The following REXO1 variants were observed in gnomAD, a reference collection of about 807,000 sequenced individuals.
The protein encoded by REXO1 is REX1, RNA exonuclease 1 homolog.
In REXO1, 42 loss-of-function variants were observed where a neutral mutation model predicts 102.6. The ratio of observed to expected loss-of-function variants is 0.41; its 90% CI spans 0.32 to 0.53. REXO1 has a LOEUF of 0.53. Among genes scored for constraint, REXO1 ranks in the 20% least tolerant of loss-of-function variants. REXO1 has a pLI of 0.27. For missense variants in REXO1, 1,819 were observed against 1,732.5 expected (o/e 1.05, Z -0.89); for synonymous variants, 908 against 779.1 (o/e 1.17, Z -2.76).
chr19:1,845,783 A>G (rs1483402021), intron 1 of REXO1, among the ~76,000 whole-genome samples: 1 of 152,136 alleles, frequency 6.6e-6, no homozygotes, highest in Non-Finnish European at 1.5e-5. Context: ...CCTGTGACCC[A>G]GGGCCCAGGA....
Position 1,826,926 on chromosome 19 carries a change from G to C in REXO1, c.1863C>G (p.Asn621Lys), listed in dbSNP as rs138736212. Residue 621 changes from asparagine to lysine, a missense_variant, in exon 2 of 16, where the codon AAC becomes AAG. Physicochemically the swap from Asn to Lys is moderately conservative, Grantham distance 94. Coordinates refer to ENST00000170168, the MANE Select transcript of REXO1 (RefSeq NM_020695.4). The surrounding 1 kb of genome is among the most constrained non-coding windows in gnomAD (Gnocchi z 4.3). ...DPMEECLRIF[N>K]ESTSVKTEDR... Reference sequence around the variant, plus strand: ...CCTCCGTCTTGACGCTGGTGGACTCGTTGAAGATCCGCAGGCACTCCTCCA... The same window carrying C: ...CCTCCGTCTTGACGCTGGTGGACTCCTTGAAGATCCGCAGGCACTCCTCCA... 1 of 1,583,690 alleles carries C rather than the reference G, an allele frequency of 6.3e-7. No homozygotes were observed. The highest frequency in any genetic ancestry group is 8.6e-7 in the Non-Finnish European group (1 of 1,165,868).
chr19:1,838,594 G>C (rs1439710562), intron 1 of REXO1, among the ~76,000 whole-genome samples: 2 of 151,290 alleles, frequency 1.3e-5, no homozygotes, highest in East Asian at 1.9e-4. Context: ...GAACTCGGGA[G>C]GCGGACGTTG....
At position 1,819,120 on chromosome 19, in the gene REXO1, G is replaced by A. The variant is rs572396797; in HGVS notation, c.2662C>T (p.Arg888Cys). 2.6e-5 allele frequency: 41 copies of A among 1,574,836 alleles called. No homozygotes were observed. The highest frequency in any genetic ancestry group is 1.8e-4 in the East Asian group (8 of 44,318). Reference protein sequence around the residue: ...AVPGLSKTSGRRVVSHEVVLG... With the variant: ...AVPGLSKTSGCRVVSHEVVLG... ...ACCACCTCGTGGGACACAACCCTGC[G>A]GCCACTGGTTTCTGGAAGGAAGGGA... is the stretch of plus-strand genomic sequence containing the variant. Residue 888 changes from arginine (R) to cysteine (C), a missense_variant, in exon 8 of 16, where the codon CGC (arginine) becomes TGC (cysteine). Physicochemically the swap from Arg to Cys is radical, Grantham distance 180. Transcript: ENST00000170168.
At chr19:1,825,319 AAAAC>A (rs1163157895) in intron 3 of REXO1, among the ~76,000 whole-genome samples, 2 of 143,610 alleles carry the variant, frequency 1.4e-5, no homozygotes, top group African/African-American at 2.7e-5. Context: ...AAAAAAAAAA[AAAAC>A]AACCAAAAAA....
intron 1 of REXO1, among the ~76,000 whole-genome samples, chr19:1,837,067 G>T (rs908352282): frequency 1.2e-4 from 18 of 152,352 alleles, no homozygotes; most frequent in East Asian, 1.9e-4. Context: ...GACAGAAGAG[G>T]ACATTCCCAA....
rs540671714 is a variant in REXO1, at chr19:1,815,885, G to A, written c.*181C>T. The A allele has an allele frequency of 3.0e-3, 4,622 of 1,527,752 alleles. 15 individuals are homozygous for A. Among genetic ancestry groups the A allele is most frequent in the Admixed American group, 4.1e-3 (209 of 50,814 alleles). 94.6% of individuals were successfully genotyped at this position (1,527,752 alleles called of 1,614,324 possible). A position where few individuals can be genotyped will look rare whatever the true frequency, so the allele number is the denominator to read the frequency against. On this transcript the variant is annotated 3_prime_UTR_variant, in exon 16 of 16. Transcript: ENST00000170168. The surrounding 1 kb of genome is among the most constrained non-coding windows in gnomAD (Gnocchi z 4.0). ...AGGGTGGGGACCGGCGGAGGGGTGC[G>A]GCAGGACGTGAGCGGGGGTGGGCTG...
chr19:1,816,221 T>C lies in REXO1; in HGVS notation c.3577+4A>G. ...ACGGCCCCAGGGCAGGCACCGGCAC[T>C]CACCATTGTCCTGGATGATCTGTCT... On this transcript the variant is annotated splice_donor_region_variant and intron_variant, in intron 15 of 15. Coordinates refer to ENST00000170168, the MANE Select transcript of REXO1 (RefSeq NM_020695.4). The C allele has an allele frequency of 3.8e-6, 6 of 1,580,700 alleles. No individual in the cohort carries two copies. Among genetic ancestry groups the C allele is most frequent in the Non-Finnish European group, 4.3e-6 (5 of 1,163,126 alleles).
chr19:1,842,835 C>G (rs2011350840), intron 1 of REXO1, among the ~76,000 whole-genome samples: 1 of 152,232 alleles, frequency 6.6e-6, no homozygotes, highest in Admixed American at 6.5e-5. Flanking sequence ...ACAAACATTT[C>G]CCCAGGCCAG....
intron 5 of REXO1, 84 bp from the exon 6 acceptor site, chr19:1,820,479 A>G (rs2069501278): frequency 6.5e-7 from 1 of 1,527,224 alleles, no homozygotes; most frequent in Non-Finnish European, 8.9e-7. Flanking sequence ...GGCCGTGCCC[A>G]TGGCTGGAGG....
At position 1,826,750 on chromosome 19, in the gene REXO1, C is replaced by G; in HGVS notation, c.1911+128G>C. ...CTGAGATTTCAACGGGCTCAGGGAC[C>G]AGCACTGAGGAGCTGCCTCCACCCC... On this transcript the variant is annotated intron_variant, in intron 2 of 15. Transcript: ENST00000170168. The surrounding 1 kb of genome is among the most constrained non-coding windows in gnomAD (Gnocchi z 4.3). 1 of 1,434,648 alleles carries G rather than the reference C, an allele frequency of 7.0e-7. No homozygotes were observed. 88.9% of individuals were successfully genotyped at this position (1,434,648 alleles called of 1,614,324 possible). A position where few individuals can be genotyped will look rare whatever the true frequency, so the allele number is the denominator to read the frequency against.
In REXO1 at chr19:1,828,133, C is replaced by A. The variant is rs773886337; in HGVS notation, c.656G>T (p.Gly219Val). The change falls in exon 2 of 16, where the codon GGC becomes GTC. Residue 219 changes from glycine to valine, a missense_variant. Transcript: ENST00000170168. ...CCTGGAGTTGTCCACCACGTACTTG[C>A]CACTGGGAACGGGGCGGCTGTGCCG... ...PRRHSRPVPS[G>V]KYVVDNSRPP... The A allele has an allele frequency of 6.2e-7, 1 of 1,612,176 alleles. No homozygotes were observed. The highest frequency in any genetic ancestry group is 2.2e-5 in the East Asian group (1 of 44,870).
chr19:1,844,792 C>T (rs1225366624), intron 1 of REXO1, among the ~76,000 whole-genome samples: 2 of 152,220 alleles, frequency 1.3e-5, no homozygotes, highest in Non-Finnish European at 2.9e-5. Context: ...TGGCCCCTTC[C>T]CCAGGCCTGG....
At chr19:1,837,906 C>A (rs551019124) in intron 1 of REXO1, among the ~76,000 whole-genome samples, 1 of 152,248 alleles carries the variant, frequency 6.6e-6, no homozygotes, top group Non-Finnish European at 1.5e-5. Flanking sequence ...CCTCATGGGG[C>A]GGCCGTCCCC....
At chr19:1,835,696 T>C (rs2070020558) in intron 1 of REXO1, among the ~76,000 whole-genome samples, 1 of 152,156 alleles carries the variant, frequency 6.6e-6, no homozygotes, top group Non-Finnish European at 1.5e-5. Context: ...CAGGTCAGTC[T>C]GTTTCTGGGA....
intron 1 of REXO1, among the ~76,000 whole-genome samples, chr19:1,833,776 C>G (rs566415058): frequency 2.9e-3 from 449 of 152,366 alleles, no homozygotes; most frequent in Non-Finnish European, 5.5e-3. Flanking sequence ...CCCCCAGCCC[C>G]GGAAGCCCGG....
rs1324384147 is a variant in REXO1, at chr19:1,827,015, TGGAGGTGGA to T, written c.1765_1773del (p.Thr590_Ser592del). On this transcript the variant is annotated inframe_deletion, in exon 2 of 16. Coordinates refer to ENST00000170168, the MANE Select transcript of REXO1 (RefSeq NM_020695.4). ...GAGTAGTCCACATCCGCCCCCGCGC[TGGAGGTGGA>T]GGAGGAGGAGGAGGAGGAGGAGGAT... is the stretch of plus-strand genomic sequence containing the variant. The T allele has an allele frequency of 3.6e-6, 5 of 1,372,396 alleles. No individual in the cohort carries two copies. Among genetic ancestry groups the T allele is most frequent in the Non-Finnish European group, 4.8e-6 (5 of 1,036,850 alleles). The allele number at this position is 1,372,396 out of a possible 1,614,324, so 85.0% of individuals were successfully genotyped here. A position where few individuals can be genotyped will look rare whatever the true frequency, so the allele number is the denominator to read the frequency against.
chr19:1,821,654 C>T lies in REXO1; in HGVS notation c.2259G>A (p.Ala753=), dbSNP rs751246883. ...CGTTGGAGGACTGGCTGCCGCTGGC[C>T]GCAAGGGTCCTCTTGGCACCTGTGG... ...AAPTGAKRTL[A]ASGSQSSNGP... is the part of the protein sequence containing the mutation. Residue 753 remains alanine, a synonymous_variant, in exon 5 of 16, where the codon GCG becomes GCA. Coordinates refer to ENST00000170168, the MANE Select transcript of REXO1 (RefSeq NM_020695.4). 10 of 1,612,940 alleles carry T rather than the reference C, an allele frequency of 6.2e-6. No individual in the cohort carries two copies. Among genetic ancestry groups the T allele is most frequent in the African/African-American group, 1.3e-5 (1 of 74,908 alleles).
intron 1 of REXO1, among the ~76,000 whole-genome samples, chr19:1,829,360 C>A (rs1322865074): frequency 6.6e-6 from 1 of 152,050 alleles, no homozygotes. Flanking sequence ...TGCCTCAGCC[C>A]CCCAAGTAGC....
chr19:1,835,340 C>G (rs1042219143), intron 1 of REXO1, among the ~76,000 whole-genome samples: 6 of 151,886 alleles, frequency 4.0e-5, no homozygotes, highest in Non-Finnish European at 8.8e-5. Flanking sequence ...GTCAGGAGTT[C>G]GAAACCAGCC....
Sources: allele counts gnomAD v4.1 joint callset (sites outside exome capture counted in the v4.1 genomes callset), GRCh38; gene constraint gnomAD v4.1.1; non-coding constraint Gnocchi (gnomAD v3.1); transcripts MANE v1.5; gene names NCBI Gene and HGNC (gene_info 2026-07-23, HGNC 2026-07-21).